The following GREB1 variants were observed in gnomAD, a reference collection of about 807,000 sequenced individuals.
GREB1 encodes the protein growth regulating estrogen receptor binding 1.
GREB1 carries 106 observed loss-of-function variants against 200.7 expected under a neutral mutation model. The observed-to-expected ratio is 0.53, with a 90% confidence interval of 0.45 to 0.62. The LOEUF (loss-of-function observed/expected upper bound fraction) is 0.62, where lower values mean the gene tolerates loss of function less well. Ranked by LOEUF, GREB1 falls within the 20% of genes least tolerant of loss-of-function variation. The pLI, the probability that GREB1 is intolerant of heterozygous loss-of-function variation, is 0.00. For missense variants in GREB1, 2,243 were observed against 2,556.8 expected (o/e 0.88, Z 2.65); for synonymous variants, 1,132 against 1,092.4 (o/e 1.04, Z -0.72).
chr2:11,615,767 C>T (rs1001961057), intron 20 of GREB1, among the ~76,000 whole-genome samples: 7 of 152,150 alleles, frequency 4.6e-5, no homozygotes, highest in African/African-American at 1.4e-4. Flanking sequence ...AATCTGATGC[C>T]GCCTTTTTAA....
At chr2:11,575,386 A>G (rs945295607) in intron 4 of GREB1, among the ~76,000 whole-genome samples, 24 of 152,246 alleles carry the variant, frequency 1.6e-4, no homozygotes, top group African/African-American at 5.3e-4. Flanking sequence ...TATGGTCTGA[A>G]TAGGCTTTAC....
intron 17 of GREB1, among the ~76,000 whole-genome samples, chr2:11,607,460 GTA>G (rs780299705): frequency 0.16 from 5,755 of 36,874 alleles, 147 homozygotes; most frequent in Middle Eastern, 0.35. Context: ...GTGTGTGTGT[GTA>G]TATATATATA....
At position 11,595,452 on chromosome 2, in the gene GREB1, C is replaced by G. The variant is rs971112810; in HGVS notation, c.1825+73C>G. 3.9e-5 allele frequency: 57 copies of G among 1,456,568 alleles called. 1 individual carries two copies. In the Admixed American group the frequency reaches 8.7e-4, roughly 22 times the overall value. The allele number at this position is 1,456,568 out of a possible 1,614,324, so 90.2% of individuals were successfully genotyped here. A position where few individuals can be genotyped will look rare whatever the true frequency, so the allele number is the denominator to read the frequency against. ...TAATCAGTGCCGGGGGAGGTCATCT[C>G]TGCCTCACCCTGCCTGTGACCTGCT... is the stretch of plus-strand genomic sequence containing the variant. On this transcript the variant is annotated intron_variant, in intron 12 of 32. Coordinates refer to ENST00000381486, the MANE Select transcript of GREB1 (RefSeq NM_014668.4).
intron 32 of GREB1, among the ~76,000 whole-genome samples, chr2:11,639,282 T>G (rs1198541488): frequency 2.0e-5 from 3 of 152,150 alleles, no homozygotes; most frequent in African/African-American, 7.2e-5. Context: ...AGAGACAGGG[T>G]TTTGCCATGT....
chr2:11,615,038 G>A, intron 19 of GREB1, 53 bp from the exon 20 acceptor site: 1 of 1,361,012 alleles, frequency 7.3e-7, no homozygotes, highest in Non-Finnish European at 1.1e-6. Flanking sequence ...AGTGGGAACA[G>A]CACTCCACTT....
chr2:11,588,891 G>T lies in GREB1; in HGVS notation c.1305G>T (p.Glu435Asp). 3.1e-6 allele frequency: 5 copies of T among 1,614,190 alleles called. No homozygotes were observed. Among genetic ancestry groups the T allele is most frequent in the Non-Finnish European group, 4.2e-6 (5 of 1,180,036 alleles). ...CTGCCATCCAGCCCATCTCCGAGGAGATGCAGCTCCTGCTTACCGTCTACT... is the reference window on the plus strand; with the variant it reads ...CTGCCATCCAGCCCATCTCCGAGGATATGCAGCTCCTGCTTACCGTCTACT... ...GASAIQPISE[E>D]MQLLLTVYYL... Residue 435 changes from glutamate to aspartate, a missense_variant, in exon 10 of 33, where the codon GAG (glutamate) becomes GAT (aspartate). Glu to Asp is a conservative substitution (Grantham distance 45, BLOSUM62 2). This residue lies in a region of GREB1 where 1,178 missense variants were observed against 1,387.4 expected (regional missense o/e 0.85). Transcript: ENST00000381486.
At chr2:11,533,234 C>T (rs1000425402), upstream of GREB1, among the ~76,000 whole-genome samples, 3 of 151,862 alleles carry the variant, frequency 2.0e-5, no homozygotes, top group Non-Finnish European at 2.9e-5. Context: ...TCAATGCAGG[C>T]GAATAACACA....
At chr2:11,513,504 T>A (rs893336153) in intron 1 of GREB1, among the ~76,000 whole-genome samples, 1 of 152,222 alleles carries the variant, frequency 6.6e-6, no homozygotes, top group Non-Finnish European at 1.5e-5. Context: ...TTAGTCATCC[T>A]TCAAGGCCTA....
rs368260786 is a variant in GREB1, at chr2:11,597,737, G to A, written c.1955-44G>A. ...TCTGGCCAAGGGCCTGGCAGTAGCC[G>A]TGTGCCCTGGAGCTCACCTGGCATC... On this transcript the variant is annotated intron_variant, in intron 13 of 32. Transcript: ENST00000381486. The surrounding 1 kb of genome is among the most constrained non-coding windows in gnomAD (Gnocchi z 4.1). 40 of 1,564,116 alleles carry A rather than the reference G, an allele frequency of 2.6e-5. No homozygotes were observed. The highest frequency in any genetic ancestry group is 1.6e-4 in the African/African-American group (12 of 74,068).
In GREB1 at chr2:11,640,354, A is replaced by G. The variant is rs746242677; in HGVS notation, c.5750A>G (p.Glu1917Gly). The G allele has an allele frequency of 6.2e-7, 1 of 1,614,186 alleles. No individual in the cohort carries two copies. Among genetic ancestry groups the G allele is most frequent in the South Asian group, 1.1e-5 (1 of 91,082 alleles). ...SSLRQTVVRLELEDEWQFRLR... is the reference protein window; with the variant it reads ...SSLRQTVVRLGLEDEWQFRLR... ...CTGCGCCAGACGGTCGTCCGCCTGG[A>G]GCTCGAGGACGAGTGGCAGTTCCGG... Residue 1917 changes from glutamate (E) to glycine (G), a missense_variant, in exon 33 of 33, where the codon GAG (glutamate) becomes GGG (glycine). By Grantham distance (98) the Glu-to-Gly change is moderately conservative (BLOSUM62 -2). This residue lies in a region of GREB1 where 478 missense variants were observed against 616.3 expected (regional missense o/e 0.78). Transcript: ENST00000381486. This position sits in a 1 kb window ranked among gnomAD's most constrained non-coding sequence, Gnocchi z 4.6.
chr2:11,540,733 A>G (rs1229006011), intron 1 of GREB1: 1 of 153,490 alleles, frequency 6.5e-6, no homozygotes, highest in East Asian at 2.0e-4. Context: ...AGAAATCTAC[A>G]TGAGAATGAT....
Position 11,634,293 on chromosome 2 carries a change from C to T in GREB1, c.5154C>T (p.His1718=). 2 of 1,614,202 alleles carry T rather than the reference C, an allele frequency of 1.2e-6. No homozygotes were observed. The highest frequency in any genetic ancestry group is 1.7e-6 in the Non-Finnish European group (2 of 1,180,040). ...VQEPFSRCHV[H]NFIILNVDLT... The stretch of plus-strand genomic sequence containing the variant: ...AGCCCTTCTCCCGCTGCCACGTGCA[C>T]AACTTCATCATCCTGAACGTGGACC... The change falls in exon 29 of 33, where the codon CAC becomes CAT. Residue 1718 remains histidine (H), a synonymous_variant. Transcript: ENST00000381486.
chr2:11,542,894 G>A (rs1674898820), intron 1 of GREB1: 1 of 152,474 alleles, frequency 6.6e-6, no homozygotes, highest in African/African-American at 2.4e-5. Flanking sequence ...TGGCATCCCA[G>A]GGGCCTAAAT....
At chr2:11,511,724 C>T (rs1673357852) in intron 1 of GREB1, among the ~76,000 whole-genome samples, 1 of 152,168 alleles carries the variant, frequency 6.6e-6, no homozygotes. Flanking sequence ...TTCCTCTGTA[C>T]TGCACAGTGG....
intron 4 of GREB1, among the ~76,000 whole-genome samples, chr2:11,575,748 C>A (rs1347318872): frequency 6.6e-6 from 1 of 152,204 alleles, no homozygotes; most frequent in Admixed American, 6.5e-5. Context: ...TAGCCCATCT[C>A]ACTAGTCACA....
At chr2:11,555,343 G>A (rs1038759800) in intron 1 of GREB1, among the ~76,000 whole-genome samples, 1 of 152,124 alleles carries the variant, frequency 6.6e-6, no homozygotes, top group African/African-American at 2.4e-5. Flanking sequence ...ACAAATATCA[G>A]CATTTTCACT....
At chr2:11,609,420 C>T (rs928873457) in intron 17 of GREB1, among the ~76,000 whole-genome samples, 5 of 152,070 alleles carry the variant, frequency 3.3e-5, no homozygotes, top group Non-Finnish European at 7.4e-5. Flanking sequence ...AGGCGTGTGC[C>T]ACCATGCCTG....
At chr2:11,559,936 C>A (rs1676824866) in intron 2 of GREB1, among the ~76,000 whole-genome samples, 1 of 152,200 alleles carries the variant, frequency 6.6e-6, no homozygotes, top group Non-Finnish European at 1.5e-5. Context: ...CCTGCTGTGA[C>A]CTTCCCAAAG....
At chr2:11,586,608 C>T (rs1056602796) in intron 9 of GREB1, among the ~76,000 whole-genome samples, 9 of 152,116 alleles carry the variant, frequency 5.9e-5, no homozygotes, top group South Asian at 2.1e-4. Context: ...CGCGTGGGCA[C>T]GGCACACACA....
Sources: allele counts gnomAD v4.1 joint callset (sites outside exome capture counted in the v4.1 genomes callset), GRCh38; gene constraint gnomAD v4.1.1; regional missense constraint gnomAD v4.1.1; non-coding constraint Gnocchi (gnomAD v3.1); transcripts MANE v1.5; gene names NCBI Gene and HGNC (gene_info 2026-07-23, HGNC 2026-07-21).